Variants in TUB observed in about 807,000 individuals in gnomAD.
TUB encodes tubby protein homolog.
In TUB, 33 loss-of-function variants were observed where a neutral mutation model predicts 59.7. The observed-to-expected ratio is 0.55, with a 90% CI of 0.42 to 0.74. TUB has a LOEUF of 0.74. Among genes scored for constraint, TUB ranks in the 30% least tolerant of loss-of-function variants. The pLI is 0.00. For synonymous variants in TUB, 293 were observed against 256.4 expected (o/e 1.14, Z -1.36); for missense variants, 659 against 672.0 (o/e 0.98, Z 0.21).
chr11:8,085,736 G>A (rs1184693747), intron 1 of TUB, among the ~76,000 whole-genome samples: 5 of 152,188 alleles, frequency 3.3e-5, no homozygotes, highest in Non-Finnish European at 5.9e-5. Flanking sequence ...CTGACCCCTG[G>A]GCCTCTGGTT....
upstream of TUB, among the ~76,000 whole-genome samples, chr11:8,081,062 G>A (rs1472620609): frequency 1.3e-5 from 2 of 152,030 alleles, no homozygotes; most frequent in Non-Finnish European, 2.9e-5. Flanking sequence ...GAGCCGGCGC[G>A]GTCACGCGCA....
chr11:8,049,957 G>A (rs1213944301), intron 2 of TUB, among the ~76,000 whole-genome samples: 2 of 152,078 alleles, frequency 1.3e-5, no homozygotes, highest in African/African-American at 2.4e-5. Context: ...CACAACATTT[G>A]CCAGCCCCCT....
At chr11:8,040,722 A>T (rs1465621367) in intron 2 of TUB, among the ~76,000 whole-genome samples, 1 of 152,150 alleles carries the variant, frequency 6.6e-6, no homozygotes, top group Non-Finnish European at 1.5e-5. Context: ...TAGGAGGAGG[A>T]GGGGTGCAAG....
intron 2 of TUB, among the ~76,000 whole-genome samples, chr11:8,057,498 T>C (rs1221870485): frequency 6.6e-6 from 1 of 152,238 alleles, no homozygotes; most frequent in Non-Finnish European, 1.5e-5. Context: ...TAAGTGTGCA[T>C]TCGTCTAAAG....
At position 8,104,934 on chromosome 11, in the gene TUB, T is replaced by TG. The variant is rs973271866; in HGVS notation, c.*3315_*3316insG. The TG allele has an allele frequency of 6.6e-6, 1 of 151,664 alleles. No individual in the cohort carries two copies. The highest frequency in any genetic ancestry group is 1.5e-5 in the Non-Finnish European group (1 of 67,896). The allele number at this position is 151,664 out of a possible 1,614,324, so 9.4% of individuals were successfully genotyped here. A position where few individuals can be genotyped will look rare whatever the true frequency, so the allele number is the denominator to read the frequency against. On this transcript the variant is annotated 3_prime_UTR_variant, in exon 12 of 12. Coordinates refer to ENST00000299506, the MANE Select transcript of TUB (RefSeq NM_177972.3). ...AAATTCTAGAAGCAGAAGGTTGTTT[T>TG]TTTTTTTTTTTCTCCATTCTGAAAA...
In TUB at chr11:8,031,773, G is replaced by A. The variant is rs1289932938; in HGVS notation, c.56+12415G>A. 5.9e-5 allele frequency among the ~76,000 whole-genome samples: 9 copies of A among 152,320 alleles called. No homozygotes were observed. The East Asian group carries it at 7.7e-4, about 13-fold the overall frequency. ...CAGGAGCTGGGGTAGGGAGGCTGGCGCAGGCCCACGGCGTGTCCTGGAACA... is the reference window on the plus strand; with the variant it reads ...CAGGAGCTGGGGTAGGGAGGCTGGCACAGGCCCACGGCGTGTCCTGGAACA... On this transcript the variant is annotated intron_variant, in intron 1 of 11. Coordinates refer to the TUB transcript ENST00000534099.
intron 1 of TUB, among the ~76,000 whole-genome samples, chr11:8,082,864 C>A (rs1443054332): frequency 1.3e-5 from 2 of 152,110 alleles, no homozygotes; most frequent in Non-Finnish European, 2.9e-5. Flanking sequence ...CAGGGGTTTC[C>A]AGGTTATTTT....
intron 3 of TUB, 36 bp from the exon 4 acceptor site, chr11:8,094,010 T>C: frequency 6.2e-7 from 1 of 1,613,942 alleles, no homozygotes; most frequent in Non-Finnish European, 8.5e-7. Flanking sequence ...CCACTGCCTG[T>C]TTCTCTCTCT....
Position 8,090,212 on chromosome 11 carries a change from T to C in TUB, c.234T>C (p.Ser78=). 6.2e-7 allele frequency: 1 copy of C among 1,613,626 alleles called. No homozygotes were observed. Among genetic ancestry groups the C allele is most frequent in the Non-Finnish European group, 8.5e-7 (1 of 1,179,916 alleles). The change falls in exon 3 of 12, where the codon AGT becomes AGC. Residue 78 remains serine (S), a synonymous_variant. Transcript: ENST00000299506. Reference sequence around the variant, plus strand: ...TGGTGGAGTCCTACCTCAGCAGCAGTGGCAGCACCAGCTACCAAGGTATAC... The same window carrying C: ...TGGTGGAGTCCTACCTCAGCAGCAGCGGCAGCACCAGCTACCAAGGTATAC... ...APLVESYLSS[S]GSTSYQVQEA... is the part of the protein sequence containing the mutation.
At chr11:8,090,958 C>A (rs939264820) in intron 3 of TUB, among the ~76,000 whole-genome samples, 5 of 152,174 alleles carry the variant, frequency 3.3e-5, no homozygotes, top group Non-Finnish European at 7.3e-5. Flanking sequence ...TCAGTCTCCA[C>A]TGCCCCCTGC....
At chr11:8,048,180 T>TA (rs1942866565) in intron 2 of TUB, among the ~76,000 whole-genome samples, 1 of 152,230 alleles carries the variant, frequency 6.6e-6, no homozygotes, top group Non-Finnish European at 1.5e-5. Context: ...ATAGTCACAG[T>TA]AACCCTATGA....
At chr11:8,046,305 TCTAGGCC>T (rs1394268617) in intron 2 of TUB, among the ~76,000 whole-genome samples, 1 of 152,188 alleles carries the variant, frequency 6.6e-6, no homozygotes, top group Non-Finnish European at 1.5e-5. Context: ...GAAATGTAAA[TCTAGGCC>T]CTGTTACTCC....
At chr11:8,047,558 C>G (rs1216899139) in intron 2 of TUB, among the ~76,000 whole-genome samples, 2 of 152,308 alleles carry the variant, frequency 1.3e-5, no homozygotes, top group East Asian at 3.9e-4. Context: ...CTCGAGTGGC[C>G]TGGAGTCCCA....
In TUB at chr11:8,089,618, A is replaced by T; in HGVS notation, c.47A>T (p.Asp16Val). Residue 16 changes from aspartate to valine, a missense_variant, in exon 2 of 12, where the codon GAT becomes GTT. Asp to Val is a radical substitution (Grantham distance 152). Coordinates refer to ENST00000299506, the MANE Select transcript of TUB (RefSeq NM_177972.3). ...HSDWIPYSVL[D>V]DEGRNLRQQK... Reference sequence around the variant, plus strand: ...CCTCTTTCGCTCTGCAGTGTCTTAGATGATGAGGGCAGAAACCTGAGGCAG... The same window carrying T: ...CCTCTTTCGCTCTGCAGTGTCTTAGTTGATGAGGGCAGAAACCTGAGGCAG... 2 of 1,614,108 alleles carry T rather than the reference A, an allele frequency of 1.2e-6. No homozygotes were observed. The highest frequency in any genetic ancestry group is 1.7e-6 in the Non-Finnish European group (2 of 1,180,006).
Position 8,056,247 on chromosome 11 carries a change from C to T in TUB, c.203+16555C>T, listed in dbSNP as rs117365296. ...TTTCCCACCTCGTGCTACCAGGATG[C>T]CCCTCACTCTCCTTAATCCAGGGCA... On this transcript the variant is annotated intron_variant, in intron 2 of 12. Coordinates refer to the TUB transcript ENST00000305253. Among the ~76,000 whole-genome samples the T allele has an allele frequency of 9.2e-4, 140 of 152,274 alleles. 2 individuals are homozygous for T. In the Middle Eastern group the frequency reaches 0.014, roughly 15 times the overall value.
chr11:8,068,315 T>A (rs1010052466), intron 2 of TUB: 1 of 152,334 alleles, frequency 6.6e-6, no homozygotes, highest in Non-Finnish European at 1.5e-5. Context: ...CCTGGGCTAT[T>A]GAAGAGCCTG....
At chr11:8,049,738 A>G (rs1942904334) in intron 2 of TUB, among the ~76,000 whole-genome samples, 1 of 152,130 alleles carries the variant, frequency 6.6e-6, no homozygotes, top group Non-Finnish European at 1.5e-5. Context: ...TGGAATACAT[A>G]AAACAATATA....
intron 2 of TUB, among the ~76,000 whole-genome samples, chr11:8,063,566 A>G (rs1196706854): frequency 6.6e-6 from 1 of 152,130 alleles, no homozygotes; most frequent in Non-Finnish European, 1.5e-5. Context: ...AGCATCCGGG[A>G]GTGTTCACTC....
At chr11:8,069,759 C>G (rs374129912) in intron 2 of TUB, among the ~76,000 whole-genome samples, 4 of 151,978 alleles carry the variant, frequency 2.6e-5, no homozygotes, top group Admixed American at 1.3e-4. Flanking sequence ...TAGGGGCAGA[C>G]GAGTAGCTTA....
Sources: gnomAD v4.1 joint callset for allele counts (sites outside exome capture counted in the v4.1 genomes callset) on GRCh38, gnomAD v4.1.1 for gene constraint, MANE v1.5 for transcripts, NCBI Gene and HGNC (gene_info 2026-07-23, HGNC 2026-07-21) for gene names.